The following CELF2 variants were observed in gnomAD, a reference collection of about 807,000 sequenced individuals.
The protein encoded by CELF2 is CUGBP Elav-like family member 2, also known as CUG triplet repeat RNA-binding protein 2.
In CELF2, 8 loss-of-function variants were observed where a neutral mutation model predicts 62.6. That is an observed-to-expected ratio of 0.13 (90% CI 0.07 to 0.23). CELF2 has a LOEUF of 0.23. Among genes scored for constraint, CELF2 ranks in the 10% least tolerant of loss-of-function variants. The probability of loss-of-function intolerance (pLI) is 1.00; values close to 1 mark genes in which losing one functional copy is unlikely to be tolerated. For synonymous variants in CELF2, 258 were observed against 250.0 expected, an observed-to-expected ratio of 1.03 and a Z score of -0.30; for missense variants, 333 against 671.0, an observed-to-expected ratio of 0.50 and a Z score of 5.56.
chr10:10,829,068 C>T (rs1034892067), intron 1 of CELF2, among the ~76,000 whole-genome samples: 1 of 152,180 alleles, frequency 6.6e-6, no homozygotes, highest in African/African-American at 2.4e-5. Context: ...AGTTATATTA[C>T]ACAGAATAAA....
the CELF2 span, among the ~76,000 whole-genome samples, chr10:10,643,851 C>T: frequency 1.3e-5 from 2 of 152,282 alleles, no homozygotes; most frequent in East Asian, 1.9e-4. Flanking sequence ...AATTTCTTAA[C>T]TCTCATTTGC....
chr10:10,539,693 G>C, the CELF2 span, among the ~76,000 whole-genome samples: 1 of 152,180 alleles, frequency 6.6e-6, no homozygotes, highest in South Asian at 2.1e-4. Flanking sequence ...CTTGCACTGA[G>C]AACGCCTCCC....
chr10:10,697,009 G>A, the CELF2 span, among the ~76,000 whole-genome samples: 1 of 152,188 alleles, frequency 6.6e-6, no homozygotes, highest in Non-Finnish European at 1.5e-5. Context: ...CGATTATGGT[G>A]ATTTTTAAGG....
intron 2 of CELF2, among the ~76,000 whole-genome samples, chr10:11,209,873 T>G (rs1280888839): frequency 6.6e-6 from 1 of 152,206 alleles, no homozygotes; most frequent in Non-Finnish European, 1.5e-5. Flanking sequence ...AAGAGGAGTG[T>G]GTCCTCTTTT....
chr10:11,026,378 C>G (rs2059208399), intron 1 of CELF2, among the ~76,000 whole-genome samples: 1 of 152,148 alleles, frequency 6.6e-6, no homozygotes, highest in African/African-American at 2.4e-5. Flanking sequence ...CTACCCGCCT[C>G]CCCCGCCACA....
chr10:10,975,814 G>A (rs2051270524), intron 2 of CELF2, among the ~76,000 whole-genome samples: 1 of 152,260 alleles, frequency 6.6e-6, no homozygotes, highest in South Asian at 2.1e-4. Flanking sequence ...CCAGTGGTGT[G>A]AGAGAGCAAT....
At chr10:10,929,582 T>A (rs2065871102) in intron 2 of CELF2, 1 of 152,220 alleles carries the variant, frequency 6.6e-6, no homozygotes, top group South Asian at 2.1e-4. Context: ...GTGTTAAAAA[T>A]CCCAGTTCAG....
chr10:10,746,525 T>G, the CELF2 span, among the ~76,000 whole-genome samples: 1 of 152,190 alleles, frequency 6.6e-6, no homozygotes, highest in Admixed American at 6.5e-5. Context: ...TCATTTTAAC[T>G]TTAACTTCTG....
rs541283397 is a variant in CELF2 at position 10,827,626 on chromosome 10, G to A, written c.53+28809G>A. Among the ~76,000 whole-genome samples, 69 of 152,206 alleles carry A rather than the reference G, an allele frequency of 4.5e-4. 1 individual carries two copies. In the South Asian group the frequency reaches 7.9e-3, roughly 17 times the overall value. Reference sequence around the variant, plus strand: ...ATGGAAAGTATTCATATTCCCTAACGTGTCACAGGGGAGCTGATTTATGCT... The same window carrying A: ...ATGGAAAGTATTCATATTCCCTAACATGTCACAGGGGAGCTGATTTATGCT... On this transcript the variant is annotated intron_variant, in intron 1 of 13. Transcript: ENST00000636488.
chr10:11,136,132 G>A (rs917473425), intron 1 of CELF2, among the ~76,000 whole-genome samples: 2 of 152,148 alleles, frequency 1.3e-5, no homozygotes, highest in South Asian at 4.1e-4. Flanking sequence ...GGATTGGAAG[G>A]TTCAGAAAGA....
Position 11,197,045 on chromosome 10 carries a change from G to GA in CELF2, c.272-20377dup, listed in dbSNP as rs1279800532. On this transcript the variant is annotated intron_variant, in intron 2 of 12. Coordinates refer to ENST00000633077, the MANE Select transcript of CELF2 (RefSeq NM_001326342.2). ...GAAAGAAAAGAAAGAAAGAAAGAAA[G>GA]AAAGAAAGAAAGAAAAGAAAGAAAG... 1.6e-4 allele frequency among the ~76,000 whole-genome samples: 8 copies of GA among 51,066 alleles called. 1 individual carries two copies. Among genetic ancestry groups the GA allele is most frequent in the African/African-American group, 2.6e-4 (2 of 7,802 alleles). The allele number at this position is 51,066 out of a possible 152,430, so 33.5% of individuals were successfully genotyped here. A position where few individuals can be genotyped will look rare whatever the true frequency, so the allele number is the denominator to read the frequency against.
Position 11,191,348 on chromosome 10 carries a change from G to T in CELF2, c.271+25666G>T, listed in dbSNP as rs570772994. Among the ~76,000 whole-genome samples the T allele has an allele frequency of 6.6e-6, 1 of 152,214 alleles. No individual in the cohort carries two copies. Among genetic ancestry groups the T allele is most frequent in the Admixed American group, 6.5e-5 (1 of 15,288 alleles). On this transcript the variant is annotated intron_variant, in intron 2 of 12. Coordinates refer to ENST00000633077, the MANE Select transcript of CELF2 (RefSeq NM_001326342.2). The surrounding 1 kb of genome is among the most constrained non-coding windows in gnomAD (Gnocchi z 4.1). ...TCAGCCAGTTGAAGCTGATGCCTCTGTCCTGGTGTTTATAAGGGGCTCCAT... is the reference window on the plus strand; with the variant it reads ...TCAGCCAGTTGAAGCTGATGCCTCTTTCCTGGTGTTTATAAGGGGCTCCAT...
chr10:10,655,608 A>G, the CELF2 span, among the ~76,000 whole-genome samples: 12 of 121,422 alleles, frequency 9.9e-5, no homozygotes, highest in East Asian at 2.2e-3. Flanking sequence ...CCTGAGAAAA[A>G]CGAGCAATGG....
At chr10:10,611,282 C>A in the CELF2 span, among the ~76,000 whole-genome samples, 1 of 152,118 alleles carries the variant, frequency 6.6e-6, no homozygotes. Context: ...CATAAAGAGC[C>A]ATTGAGAACC....
chr10:11,091,790 A>G (rs888191211), intron 1 of CELF2, among the ~76,000 whole-genome samples: 2 of 152,212 alleles, frequency 1.3e-5, no homozygotes, highest in African/African-American at 4.8e-5. Flanking sequence ...TGAACTTACC[A>G]CTGTCAAAAT....
the CELF2 span, among the ~76,000 whole-genome samples, chr10:10,548,099 A>G: frequency 8.2e-4 from 125 of 152,282 alleles, no homozygotes; most frequent in Middle Eastern, 3.4e-3. Flanking sequence ...GCCAGGGGCC[A>G]TTGGTTTCAG....
intron 2 of CELF2, among the ~76,000 whole-genome samples, chr10:10,964,984 A>G (rs779099731): frequency 6.6e-5 from 10 of 152,192 alleles, no homozygotes; most frequent in Non-Finnish European, 1.2e-4. Context: ...GGCTTAATGA[A>G]AAAAACTGTG....
chr10:10,828,000 T>TAAAAAAAAAAA, intron 1 of CELF2, among the ~76,000 whole-genome samples: 1 of 60,702 alleles, frequency 1.6e-5, no homozygotes, highest in Non-Finnish European at 2.9e-5. Flanking sequence ...AGGCTAGTCT[T>TAAAAAAAAAAA]AAAAAAAAAA....
chr10:11,250,708 A>G (rs980206832), intron 4 of CELF2, among the ~76,000 whole-genome samples: 7 of 152,274 alleles, frequency 4.6e-5, no homozygotes, highest in Non-Finnish European at 1.0e-4. Flanking sequence ...TCACTTAAAC[A>G]TTGAACTTGG....
Sources: gnomAD v4.1 joint callset for allele counts (sites outside exome capture counted in the v4.1 genomes callset) on GRCh38, gnomAD v4.1.1 for gene constraint, Gnocchi (gnomAD v3.1) non-coding constraint, MANE v1.5 for transcripts, NCBI Gene and HGNC (gene_info 2026-07-23, HGNC 2026-07-21) for gene names.